TSPAN5: variants seen among roughly 807,000 people sequenced by gnomAD.
The protein encoded by TSPAN5 is tetraspanin-5.
TSPAN5 carries 10 observed loss-of-function variants against 37.1 expected under a neutral mutation model. The observed-to-expected ratio is 0.27, with a 90% CI of 0.17 to 0.46. TSPAN5 has a LOEUF of 0.46. TSPAN5 is among the 20% of genes least tolerant of loss of function. The pLI, the probability that TSPAN5 is intolerant of heterozygous loss-of-function variation, is 1.00. For synonymous variants in TSPAN5, 110 were observed against 118.9 expected (o/e 0.93, Z 0.48); for missense variants, 195 against 326.6 (o/e 0.60, Z 3.11).
intron 2 of TSPAN5, among the ~76,000 whole-genome samples, chr4:98,492,057 C>A (rs1753097674): frequency 6.6e-6 from 1 of 152,142 alleles, no homozygotes; most frequent in African/African-American, 2.4e-5. Flanking sequence ...CTTCTGGGAA[C>A]AGCACCACCT....
intron 1 of TSPAN5, among the ~76,000 whole-genome samples, chr4:98,623,841 A>G (rs747098470): frequency 1.3e-5 from 2 of 152,162 alleles, no homozygotes; most frequent in Non-Finnish European, 2.9e-5. Context: ...ACACATACAT[A>G]TATACAATTC....
intron 1 of TSPAN5, among the ~76,000 whole-genome samples, chr4:98,546,809 T>G (rs1754481918): frequency 3.9e-5 from 6 of 152,206 alleles, no homozygotes. Flanking sequence ...TCTATCTGAT[T>G]CCCTAAGAGG....
At chr4:98,601,647 A>C (rs1483403692) in intron 1 of TSPAN5, among the ~76,000 whole-genome samples, 1 of 152,182 alleles carries the variant, frequency 6.6e-6, no homozygotes, top group East Asian at 1.9e-4. Flanking sequence ...TCTTCTATTT[A>C]AAACTTTCTC....
intron 3 of TSPAN5, chr4:98,484,688 G>A (rs1752922760): frequency 7.1e-6 from 3 of 420,590 alleles, no homozygotes; most frequent in African/African-American, 2.1e-5. Flanking sequence ...CTGAGCAGGT[G>A]CAGTGGCTCA....
intron 1 of TSPAN5, among the ~76,000 whole-genome samples, chr4:98,613,175 G>A (rs906071826): frequency 1.3e-5 from 2 of 149,338 alleles, no homozygotes; most frequent in African/African-American, 5.0e-5. Flanking sequence ...TGATTCAGAT[G>A]CACAATGCCC....
chr4:98,509,575 C>T (rs1399741678), intron 1 of TSPAN5, among the ~76,000 whole-genome samples: 1 of 152,152 alleles, frequency 6.6e-6, no homozygotes, highest in Non-Finnish European at 1.5e-5. Flanking sequence ...GAACTGAAGA[C>T]CCCTTTCTTC....
Position 98,486,883 on chromosome 4 carries a change from C to T in TSPAN5, c.134G>A (p.Gly45Glu), listed in dbSNP as rs766090932. The change falls in exon 3 of 8, where the codon GGA becomes GAA. Residue 45 changes from glycine to glutamate, a missense_variant and splice_region_variant. Transcript: ENST00000305798. ...GIGLWAWNEKGVLSNISSITD... is the reference protein window; with the variant it reads ...GIGLWAWNEKEVLSNISSITD... Reference sequence around the variant, plus strand: ...GATGGAAGAGATGTTGGACAGAACTCCCTGGGAGCAGAAAAGAACACACAA... The same window carrying T: ...GATGGAAGAGATGTTGGACAGAACTTCCTGGGAGCAGAAAAGAACACACAA... The T allele has an allele frequency of 6.2e-7, 1 of 1,613,610 alleles. No homozygotes were observed. The highest frequency in any genetic ancestry group is 1.1e-5 in the South Asian group (1 of 91,046).
intron 1 of TSPAN5, among the ~76,000 whole-genome samples, chr4:98,630,150 C>T (rs55835769): frequency 6.6e-6 from 1 of 152,148 alleles, no homozygotes; most frequent in South Asian, 2.1e-4. Context: ...TGAGTATCTA[C>T]TAAACAGCAT....
chr4:98,558,149 G>T (rs772412579), intron 1 of TSPAN5, among the ~76,000 whole-genome samples: 1 of 152,014 alleles, frequency 6.6e-6, no homozygotes, highest in East Asian at 1.9e-4. Flanking sequence ...CTTGTTCCCC[G>T]GTGACGCAAA....
intron 1 of TSPAN5, chr4:98,574,466 C>T (rs1181292446): frequency 4.6e-5 from 7 of 152,228 alleles, no homozygotes; most frequent in Non-Finnish European, 1.0e-4. Flanking sequence ...CCTTATGGCA[C>T]TAGGTCTTAC....
chr4:98,533,890 C>CTT (rs966825489), intron 1 of TSPAN5, among the ~76,000 whole-genome samples: 12 of 122,152 alleles, frequency 9.8e-5, no homozygotes, highest in African/African-American at 3.9e-4. Context: ...ATTCTTCTCT[C>CTT]TTTTCTTCTT....
At chr4:98,650,739 T>C (rs1022803669) in intron 1 of TSPAN5, among the ~76,000 whole-genome samples, 1 of 152,196 alleles carries the variant, frequency 6.6e-6, no homozygotes, top group African/African-American at 2.4e-5. Context: ...CTCCATTCAA[T>C]AGCTCCTTGG....
intron 1 of TSPAN5, among the ~76,000 whole-genome samples, chr4:98,580,525 C>T (rs996142902): frequency 7.2e-5 from 11 of 152,194 alleles, no homozygotes; most frequent in East Asian, 1.9e-4. Flanking sequence ...TGGAACAAGC[C>T]GACCTGGAAA....
intron 1 of TSPAN5, among the ~76,000 whole-genome samples, chr4:98,638,936 T>C (rs933199741): frequency 2.0e-5 from 3 of 152,240 alleles, no homozygotes; most frequent in African/African-American, 7.2e-5. Context: ...GAGGAACCTA[T>C]GCTTGGGAAA....
intron 1 of TSPAN5, among the ~76,000 whole-genome samples, chr4:98,599,515 T>C (rs576206776): frequency 6.6e-6 from 1 of 152,310 alleles, no homozygotes; most frequent in East Asian, 1.9e-4. Context: ...GACAAATGCA[T>C]CCAACCATGT....
chr4:98,515,552 G>C (rs1224818135), intron 1 of TSPAN5, among the ~76,000 whole-genome samples: 6 of 151,476 alleles, frequency 4.0e-5, no homozygotes, highest in Non-Finnish European at 8.8e-5. Flanking sequence ...CTGAACTTCT[G>C]TATCACTTGC....
At chr4:98,571,566 A>T (rs1377344244) in intron 1 of TSPAN5, among the ~76,000 whole-genome samples, 2 of 150,942 alleles carry the variant, frequency 1.3e-5, no homozygotes, top group African/African-American at 4.9e-5. Context: ...TGAGGTAAGT[A>T]AAAAAAAACC....
chr4:98,546,682 G>A (rs769558325), intron 1 of TSPAN5, among the ~76,000 whole-genome samples: 2 of 152,162 alleles, frequency 1.3e-5, no homozygotes, highest in Non-Finnish European at 2.9e-5. Flanking sequence ...TGGACTCACA[G>A]GGTTGAGGTG....
At chr4:98,535,947 G>C (rs912540367) in intron 1 of TSPAN5, among the ~76,000 whole-genome samples, 26 of 151,984 alleles carry the variant, frequency 1.7e-4, no homozygotes, top group Non-Finnish European at 1.0e-4. Flanking sequence ...CTTTTTTCAA[G>C]GTTCTTAGCT....
Sources: allele counts gnomAD v4.1 joint callset (sites outside exome capture counted in the v4.1 genomes callset), GRCh38; gene constraint gnomAD v4.1.1; transcripts MANE v1.5; gene names NCBI Gene and HGNC (gene_info 2026-07-23, HGNC 2026-07-21).